Variants in TACC2 observed in about 807,000 individuals in gnomAD.
TACC2 encodes the protein transforming acidic coiled-coil-containing protein 2.
TACC2 carries 137 observed loss-of-function variants against 227.3 expected under a neutral mutation model. The ratio of observed to expected loss-of-function variants is 0.60; its 90% confidence interval spans 0.52 to 0.69. The LOEUF is 0.69. Ranked by LOEUF, TACC2 falls within the 30% of genes least tolerant of loss-of-function variation. The probability of loss-of-function intolerance (pLI) is 0.00; values close to 1 mark genes in which losing one functional copy is unlikely to be tolerated. For missense variants in TACC2, 3,470 were observed against 3,694.4 expected (o/e 0.94, Z 1.57); for synonymous variants, 1,523 against 1,487.5 (o/e 1.02, Z -0.55).
rs528069892 is a variant in TACC2 at position 122,249,986 on chromosome 10, C to T, written c.8781+322C>T. Among the ~76,000 whole-genome samples the T allele has an allele frequency of 5.3e-5, 8 of 152,296 alleles. No individual in the cohort carries two copies. In the South Asian group the frequency reaches 1.0e-3, roughly 20 times the overall value. ...GGCGTAGCCCTTGAACCTCTGCATC[C>T]GGCATGCTTACTGGGTGAGTGGATG... On this transcript the variant is annotated intron_variant, in intron 22 of 22. Coordinates refer to ENST00000369005, the MANE Select transcript of TACC2 (RefSeq NM_206862.4).
intron 16 of TACC2, 113 bp from the exon 17 acceptor site, chr10:122,237,282 G>A: frequency 9.5e-7 from 1 of 1,051,088 alleles, no homozygotes. Flanking sequence ...TACTTTTGAT[G>A]TTCTTTGTTT....
At chr10:122,107,555 C>T (rs1592086140) in intron 5 of TACC2, among the ~76,000 whole-genome samples, 3 of 152,172 alleles carry the variant, frequency 2.0e-5, no homozygotes, top group South Asian at 4.1e-4. Flanking sequence ...CACTGTTGCA[C>T]TCCACCCTGG....
At chr10:122,028,168 C>T (rs1366429221) in intron 2 of TACC2, among the ~76,000 whole-genome samples, 1 of 141,214 alleles carries the variant, frequency 7.1e-6, no homozygotes, top group African/African-American at 2.7e-5. Context: ...CAGCTCACTG[C>T]AACCTCCAGT....
chr10:122,215,572 T>C, intron 10 of TACC2, 121 bp downstream of exon 10: 1 of 838,680 alleles, frequency 1.2e-6, no homozygotes. Context: ...TCTTCTTGCA[T>C]TCTGTGTGGA....
At chr10:122,023,952 G>T (rs1347776130) in intron 2 of TACC2, among the ~76,000 whole-genome samples, 1 of 152,182 alleles carries the variant, frequency 6.6e-6, no homozygotes, top group African/African-American at 2.4e-5. Flanking sequence ...CTTGTGGGAA[G>T]GTGGTGCCAA....
intron 3 of TACC2, among the ~76,000 whole-genome samples, chr10:122,075,163 C>T (rs996905785): frequency 7.6e-5 from 11 of 145,250 alleles, no homozygotes; most frequent in Admixed American, 4.4e-4. Context: ...TTTTTTCTTT[C>T]GCTCTTCACA....
rs140934485 is a variant in TACC2, at chr10:122,167,066, A to G, written c.5834+23360A>G. Among the ~76,000 whole-genome samples the G allele has an allele frequency of 7.9e-3, 1,203 of 152,318 alleles. 21 individuals carry two copies. Among genetic ancestry groups the G allele is most frequent in the African/African-American group, 0.027 (1,131 of 41,574 alleles). Reference sequence around the variant, plus strand: ...TTATGTAGTTGGAGACCCCCGTTTCAGGGGTTCCCTCAGCTTCCACCAAAT... The same window carrying G: ...TTATGTAGTTGGAGACCCCCGTTTCGGGGGTTCCCTCAGCTTCCACCAAAT... On this transcript the variant is annotated intron_variant, in intron 7 of 22. Transcript: ENST00000369005.
rs11200399 is a variant in TACC2 at position 122,108,402 on chromosome 10, A to C, written c.5573+19811A>C. Among the ~76,000 whole-genome samples the C allele has an allele frequency of 1.8e-4, 16 of 86,606 alleles. 1 individual carries two copies. Among genetic ancestry groups the C allele is most frequent in the East Asian group, 1.7e-3 (5 of 2,904 alleles). The allele number at this position is 86,606 out of a possible 152,430, so 56.8% of individuals were successfully genotyped here. ...GCGCTCTCTCTTTCTCTCTCTCTCTATGTGTGTGTGTGTATATATATATGT... is the reference window on the plus strand; with the variant it reads ...GCGCTCTCTCTTTCTCTCTCTCTCTCTGTGTGTGTGTGTATATATATATGT... On this transcript the variant is annotated intron_variant, in intron 5 of 22. Transcript: ENST00000369005.
intron 5 of TACC2, among the ~76,000 whole-genome samples, chr10:122,110,010 A>G (rs980891342): frequency 6.6e-6 from 1 of 152,216 alleles, no homozygotes; most frequent in Non-Finnish European, 1.5e-5. Context: ...ATATGACAAA[A>G]GTCAAACAGC....
intron 5 of TACC2, among the ~76,000 whole-genome samples, chr10:122,092,673 T>C (rs2080951981): frequency 6.6e-6 from 1 of 152,246 alleles, no homozygotes; most frequent in South Asian, 2.1e-4. Flanking sequence ...ATGGATATCC[T>C]GTGGCTTTGC....
At chr10:122,225,279 C>T (rs1343575210) in intron 12 of TACC2, among the ~76,000 whole-genome samples, 2 of 152,220 alleles carry the variant, frequency 1.3e-5, no homozygotes, top group Non-Finnish European at 2.9e-5. Flanking sequence ...CTGTTGTCAG[C>T]GATGCCCTCG....
chr10:121,993,753 G>A (rs993350369), intron 1 of TACC2, among the ~76,000 whole-genome samples: 1 of 152,108 alleles, frequency 6.6e-6, no homozygotes, highest in Non-Finnish European at 1.5e-5. Flanking sequence ...AGTATCCCAA[G>A]TATGTGGGAC....
chr10:122,016,714 T>C (rs1276897457), intron 1 of TACC2, among the ~76,000 whole-genome samples: 1 of 152,138 alleles, frequency 6.6e-6, no homozygotes, highest in African/African-American at 2.4e-5. Flanking sequence ...TCTAAATGCC[T>C]CAGCTTTACA....
At chr10:121,992,909 C>T (rs1953090547) in intron 1 of TACC2, among the ~76,000 whole-genome samples, 2 of 150,898 alleles carry the variant, frequency 1.3e-5, no homozygotes, top group African/African-American at 4.9e-5. Context: ...GAGCCAAGAT[C>T]GTGCCACTGC....
At chr10:122,160,786 A>G (rs2092773919) in intron 7 of TACC2, among the ~76,000 whole-genome samples, 1 of 152,152 alleles carries the variant, frequency 6.6e-6, no homozygotes, top group Non-Finnish European at 1.5e-5. Context: ...CCGAGTTACT[A>G]GATCACCAGC....
chr10:122,163,142 G>A (rs1344822453), intron 7 of TACC2, among the ~76,000 whole-genome samples: 2 of 152,106 alleles, frequency 1.3e-5, no homozygotes, highest in Non-Finnish European at 2.9e-5. Flanking sequence ...CTGCCTCCAG[G>A]ACCCGGGGCC....
chr10:122,033,118 G>A (rs748823611), intron 2 of TACC2: 6 of 1,289,384 alleles, frequency 4.7e-6, no homozygotes, highest in East Asian at 5.6e-5. Context: ...CTTGCATAAC[G>A]TCATTCTGTG....
At chr10:122,164,976 C>T (rs910886762) in intron 7 of TACC2, among the ~76,000 whole-genome samples, 2 of 152,082 alleles carry the variant, frequency 1.3e-5, no homozygotes, top group Non-Finnish European at 2.9e-5. Context: ...GGTCCCTCGA[C>T]CCCTGGGCTT....
chr10:122,040,500 G>A (rs1591366617), intron 2 of TACC2, among the ~76,000 whole-genome samples: 1 of 152,160 alleles, frequency 6.6e-6, no homozygotes, highest in East Asian at 1.9e-4. Context: ...CCCTACAGGG[G>A]ACATCTGAGC....
Sources: allele counts gnomAD v4.1 joint callset (sites outside exome capture counted in the v4.1 genomes callset), GRCh38; gene constraint gnomAD v4.1.1; transcripts MANE v1.5; gene names NCBI Gene and HGNC (gene_info 2026-07-23, HGNC 2026-07-21).